DIP2C: variants seen among roughly 807,000 people sequenced by gnomAD.
The protein encoded by DIP2C is DIP2 acetate--CoA ligase C (putative), also known as disco-interacting protein 2 homolog C.
Under a neutral mutation model 192.4 loss-of-function variants are expected in DIP2C, and 33 were observed. That is an observed-to-expected ratio of 0.17 (90% CI 0.13 to 0.23). The LOEUF (loss-of-function observed/expected upper bound fraction) is 0.23. DIP2C is among the 10% of genes least tolerant of loss of function. DIP2C has a pLI of 1.00. For missense variants in DIP2C, 1,537 were observed against 2,110.1 expected (o/e 0.73, Z 5.32); for synonymous variants, 979 against 864.1 (o/e 1.13, Z -2.33).
chr10:616,716 G>C (rs1853493985), intron 1 of DIP2C, among the ~76,000 whole-genome samples: 1 of 152,204 alleles, frequency 6.6e-6, no homozygotes, highest in Admixed American at 6.5e-5. Context: ...GAATAGCCCA[G>C]CAACCCTGTG....
chr10:497,003 A>G (rs1156708280), intron 1 of DIP2C, among the ~76,000 whole-genome samples: 3 of 152,178 alleles, frequency 2.0e-5, no homozygotes, highest in African/African-American at 7.2e-5. Context: ...GGGTGCCTGT[A>G]GTCCCAGCTA....
rs1397609398 is a variant in DIP2C, at chr10:636,239, G to A, written c.85+53255C>T. Reference sequence around the variant, plus strand: ...TCGGCTCTTCCCGGCTGAACCCAAGGGTGCTTGGCTTGACTCACTTCCATA... The same window carrying A: ...TCGGCTCTTCCCGGCTGAACCCAAGAGTGCTTGGCTTGACTCACTTCCATA... On this transcript the variant is annotated intron_variant, in intron 1 of 36. Coordinates refer to ENST00000280886, the MANE Select transcript of DIP2C (RefSeq NM_014974.3). The surrounding 1 kb of genome is among the most constrained non-coding windows in gnomAD (Gnocchi z 4.6). 6.6e-6 allele frequency among the ~76,000 whole-genome samples: 1 copy of A among 152,124 alleles called. No individual in the cohort carries two copies. The highest frequency in any genetic ancestry group is 1.5e-5 in the Non-Finnish European group (1 of 68,020).
intron 1 of DIP2C, among the ~76,000 whole-genome samples, chr10:488,699 C>T (rs1332001827): frequency 6.6e-6 from 1 of 152,226 alleles, no homozygotes; most frequent in Non-Finnish European, 1.5e-5. Context: ...AGCCCCTGCC[C>T]TGCATGGATG....
Position 456,787 on chromosome 10 carries a change from G to A in DIP2C, c.268+15652C>T, listed in dbSNP as rs144234205. Among the ~76,000 whole-genome samples, 30 of 152,288 alleles carry A rather than the reference G, an allele frequency of 2.0e-4. No individual in the cohort carries two copies. The East Asian group carries it at 2.3e-3, about 12-fold the overall frequency. On this transcript the variant is annotated intron_variant, in intron 3 of 36. Coordinates refer to ENST00000280886, the MANE Select transcript of DIP2C (RefSeq NM_014974.3). ...CTTCCACGACGATTTTTGTTCCACCGTTTCGTTCTTTGGTAAACTGCACAC... is the reference window on the plus strand; with the variant it reads ...CTTCCACGACGATTTTTGTTCCACCATTTCGTTCTTTGGTAAACTGCACAC...
Position 363,145 on chromosome 10 carries a change from G to C in DIP2C, c.2592+52C>G. The C allele has an allele frequency of 6.6e-7, 1 of 1,518,606 alleles. No individual in the cohort carries two copies. The highest frequency in any genetic ancestry group is 9.1e-7 in the Non-Finnish European group (1 of 1,102,084). 94.1% of individuals were successfully genotyped at this position (1,518,606 alleles called of 1,614,324 possible). A position where few individuals can be genotyped will look rare whatever the true frequency, so the allele number is the denominator to read the frequency against. ...CACACCATGATCTGAATGAAGTAAGGAGGCCAGAAACAAGACACAGGGGAC... is the reference window on the plus strand; with the variant it reads ...CACACCATGATCTGAATGAAGTAAGCAGGCCAGAAACAAGACACAGGGGAC... On this transcript the variant is annotated intron_variant, in intron 21 of 36. Transcript: ENST00000280886. This position sits in a 1 kb window ranked among gnomAD's most constrained non-coding sequence, Gnocchi z 5.4.
At chr10:503,459 CAAAAT>C (rs1845391178) in intron 1 of DIP2C, among the ~76,000 whole-genome samples, 1 of 152,110 alleles carries the variant, frequency 6.6e-6, no homozygotes, top group Non-Finnish European at 1.5e-5. Flanking sequence ...ATTTAACAAG[CAAAAT>C]AAAACTACAA....
chr10:377,739 G>A (rs781001621), intron 17 of DIP2C, among the ~76,000 whole-genome samples: 3 of 152,038 alleles, frequency 2.0e-5, no homozygotes, highest in Non-Finnish European at 2.9e-5. Flanking sequence ...TTCTCCCTGC[G>A]GACACGTCTT....
At chr10:454,501 CA>C (rs1447838460) in intron 3 of DIP2C, among the ~76,000 whole-genome samples, 1 of 150,226 alleles carries the variant, frequency 6.7e-6, no homozygotes, top group Non-Finnish European at 1.5e-5. Flanking sequence ...ATGAGATATT[CA>C]GGGATAAAAG....
chr10:468,095 G>A (rs970749331), intron 3 of DIP2C, among the ~76,000 whole-genome samples: 2 of 152,226 alleles, frequency 1.3e-5, no homozygotes, highest in African/African-American at 4.8e-5. Context: ...AGTCTTCGCG[G>A]TCGGTTCAGG....
chr10:609,333 G>GA (rs1282508200), intron 1 of DIP2C, among the ~76,000 whole-genome samples: 1 of 152,072 alleles, frequency 6.6e-6, no homozygotes, highest in Non-Finnish European at 1.5e-5. Flanking sequence ...CTGGCTGTCA[G>GA]AAACTTTTTC....
In DIP2C at chr10:521,552, T is replaced by C. The variant is rs562342833; in HGVS notation, c.86-35022A>G. Reference sequence around the variant, plus strand: ...GAGACCATGAGCATCACTGCACCTGTAAGGGGAGAAGCCGGTCCAGATATA... The same window carrying C: ...GAGACCATGAGCATCACTGCACCTGCAAGGGGAGAAGCCGGTCCAGATATA... On this transcript the variant is annotated intron_variant, in intron 1 of 36. Coordinates refer to ENST00000280886, the MANE Select transcript of DIP2C (RefSeq NM_014974.3). Among the ~76,000 whole-genome samples the C allele has an allele frequency of 2.0e-4, 30 of 152,284 alleles. No individual in the cohort carries two copies. In the South Asian group the frequency reaches 3.5e-3, roughly 18 times the overall value.
intron 1 of DIP2C, among the ~76,000 whole-genome samples, chr10:618,818 G>T (rs182937154): frequency 6.6e-6 from 1 of 152,338 alleles, no homozygotes; most frequent in Non-Finnish European, 1.5e-5. Context: ...CAGCCACACG[G>T]CCACGTTCAG....
chr10:632,128 C>T (rs1373901796), intron 1 of DIP2C, among the ~76,000 whole-genome samples: 2 of 152,204 alleles, frequency 1.3e-5, no homozygotes. Context: ...TAAAGCAACA[C>T]AGAATCCGTT....
At chr10:484,880 G>A (rs368435846) in intron 2 of DIP2C, 262 of 1,611,846 alleles carry the variant, frequency 1.6e-4, no homozygotes, top group Non-Finnish European at 2.0e-4. Flanking sequence ...TGGGCAGAGC[G>A]GAATGTTCTC....
In DIP2C at chr10:395,392, C is replaced by A. The variant is rs904087424; in HGVS notation, c.1260+3717G>T. On this transcript the variant is annotated intron_variant, in intron 10 of 36. Transcript: ENST00000280886. Reference sequence around the variant, plus strand: ...GTCGTATGCATATATCAGAACATCACACTCTACCCCATAAATGTATATAAT... The same window carrying A: ...GTCGTATGCATATATCAGAACATCAAACTCTACCCCATAAATGTATATAAT... 3.3e-4 allele frequency among the ~76,000 whole-genome samples: 51 copies of A among 152,262 alleles called. 1 individual carries two copies. The highest frequency in any genetic ancestry group is 1.2e-3 in the African/African-American group (50 of 41,542).
At position 479,270 on chromosome 10, in the gene DIP2C, T is replaced by G. The variant is rs567688526; in HGVS notation, c.158-6721A>C. ...TCACTGGGATGGGAACATCATACAA[T>G]GGTAAGACTGAAATTCCATTCTAAG... On this transcript the variant is annotated intron_variant, in intron 2 of 36. Coordinates refer to ENST00000280886, the MANE Select transcript of DIP2C (RefSeq NM_014974.3). Among the ~76,000 whole-genome samples, 5 of 151,416 alleles carry G rather than the reference T, an allele frequency of 3.3e-5. No homozygotes were observed. The South Asian group carries it at 1.0e-3, about 32-fold the overall frequency.
intron 1 of DIP2C, among the ~76,000 whole-genome samples, chr10:574,144 G>C (rs1445053811): frequency 6.6e-6 from 1 of 152,216 alleles, no homozygotes; most frequent in Non-Finnish European, 1.5e-5. Flanking sequence ...CGGCCAGTAA[G>C]TTTAAAGCTT....
chr10:340,134 T>C (rs1489472908), intron 29 of DIP2C, among the ~76,000 whole-genome samples: 2 of 151,916 alleles, frequency 1.3e-5, no homozygotes, highest in African/African-American at 2.4e-5. Flanking sequence ...TGAGCTGAGA[T>C]TGTGGCACTG....
rs571459339 is a variant in DIP2C, at chr10:288,482, A to G, written c.3987-61T>C. On this transcript the variant is annotated intron_variant, in intron 32 of 36. Transcript: ENST00000280886. ...TTGCTGTCCAGTTTTCCCCTTCACCAATTCACACGAGGTCACGAGCCTGGC... is the reference window on the plus strand; with the variant it reads ...TTGCTGTCCAGTTTTCCCCTTCACCGATTCACACGAGGTCACGAGCCTGGC... 4 of 1,569,490 alleles carry G rather than the reference A, an allele frequency of 2.5e-6. No individual in the cohort carries two copies. The South Asian group carries it at 3.4e-5, about 13-fold the overall frequency.
Sources: gnomAD v4.1 joint callset for allele counts (sites outside exome capture counted in the v4.1 genomes callset) on GRCh38, gnomAD v4.1.1 for gene constraint, Gnocchi (gnomAD v3.1) non-coding constraint, MANE v1.5 for transcripts, NCBI Gene and HGNC (gene_info 2026-07-23, HGNC 2026-07-21) for gene names.